The following PCDH15 variants were observed in gnomAD, a reference collection of about 807,000 sequenced individuals.
The protein encoded by PCDH15 is protocadherin related 15.
Under a neutral mutation model 178.5 loss-of-function variants are expected in PCDH15, and 129 were observed. That is an observed-to-expected ratio of 0.72 (90% CI 0.63 to 0.84). PCDH15 has a LOEUF of 0.84. Ranked by LOEUF, PCDH15 falls within the 40% of genes least tolerant of loss-of-function variation. The pLI is 0.00. For synonymous variants in PCDH15, 800 were observed against 732.0 expected (o/e 1.09, Z -1.50); for missense variants, 2,230 against 2,099.9 (o/e 1.06, Z -1.21).
intron 2 of PCDH15, among the ~76,000 whole-genome samples, chr10:55,552,255 G>T (rs1842016476): frequency 6.6e-6 from 1 of 151,450 alleles, no homozygotes; most frequent in African/African-American, 2.4e-5. Context: ...AGATTTGGGA[G>T]ATTTCACTTC....
intron 2 of PCDH15, among the ~76,000 whole-genome samples, chr10:55,592,173 G>A (rs1842854395): frequency 6.6e-6 from 1 of 152,102 alleles, no homozygotes; most frequent in Non-Finnish European, 1.5e-5. Flanking sequence ...CATTTGCCCT[G>A]GCAAGTCCAA....
At chr10:55,443,589 A>C (rs59887765) in intron 2 of PCDH15, among the ~76,000 whole-genome samples, 57,592 of 151,980 alleles carry the variant, frequency 0.38, 11,830 homozygotes, top group East Asian at 0.83. Context: ...GCAAGATACC[A>C]TCTTGCTCCA....
chr10:55,064,491 T>C (rs1472792625), intron 2 of PCDH15, among the ~76,000 whole-genome samples: 1 of 152,106 alleles, frequency 6.6e-6, no homozygotes, highest in Non-Finnish European at 1.5e-5. Context: ...GGTTGGGGCA[T>C]ATAATCTCTA....
chr10:55,620,113 G>A (rs751244917), intron 2 of PCDH15, among the ~76,000 whole-genome samples: 3 of 151,870 alleles, frequency 2.0e-5, no homozygotes, highest in Non-Finnish European at 4.4e-5. Context: ...AATTTAACCC[G>A]TTATTTTTGG....
chr10:54,872,160 T>A (rs1954050746), intron 3 of PCDH15, among the ~76,000 whole-genome samples: 1 of 151,966 alleles, frequency 6.6e-6, no homozygotes, highest in African/African-American at 2.4e-5. Flanking sequence ...GAAATATGTA[T>A]ATATGTATTT....
chr10:53,927,587 A>G (rs2084677358), intron 25 of PCDH15, among the ~76,000 whole-genome samples: 1 of 152,152 alleles, frequency 6.6e-6, no homozygotes, highest in African/African-American at 2.4e-5. Context: ...GTAGTACAAC[A>G]ATAGATATTA....
intron 3 of PCDH15, among the ~76,000 whole-genome samples, chr10:54,432,484 T>C (rs1384706609): frequency 1.3e-5 from 2 of 152,122 alleles, no homozygotes; most frequent in East Asian, 1.9e-4. Context: ...GGGGAAAAGA[T>C]AGTCTCTTTA....
chr10:55,127,200 C>T (rs1224731826), intron 2 of PCDH15, among the ~76,000 whole-genome samples: 4 of 152,044 alleles, frequency 2.6e-5, no homozygotes, highest in Non-Finnish European at 4.4e-5. Context: ...TTAAATATGC[C>T]AGAACTTCCC....
intron 2 of PCDH15, among the ~76,000 whole-genome samples, chr10:55,485,372 A>G (rs1359482504): frequency 6.6e-6 from 1 of 151,712 alleles, no homozygotes; most frequent in African/African-American, 2.4e-5. Flanking sequence ...GATTGCAAAA[A>G]TTCAAACAAT....
At chr10:54,564,252 GA>G (rs1431550460) in intron 2 of PCDH15, among the ~76,000 whole-genome samples, 1 of 152,100 alleles carries the variant, frequency 6.6e-6, no homozygotes, top group Non-Finnish European at 1.5e-5. Context: ...ATATCAGAAT[GA>G]ATTACATATC....
intron 2 of PCDH15, among the ~76,000 whole-genome samples, chr10:55,543,427 T>C (rs1320834389): frequency 2.7e-5 from 4 of 150,266 alleles, no homozygotes; most frequent in Non-Finnish European, 5.9e-5. Context: ...TCAACAATTA[T>C]ATATATATAA....
At chr10:54,685,856 T>C (rs7095795) in intron 1 of PCDH15, among the ~76,000 whole-genome samples, 77,467 of 151,286 alleles carry the variant, frequency 0.51, 20,588 homozygotes, top group Non-Finnish European at 0.6. Context: ...TGAAGTAAAG[T>C]TTCCACTGAA....
intron 18 of PCDH15, among the ~76,000 whole-genome samples, chr10:54,063,444 C>T (rs1415092837): frequency 6.6e-6 from 1 of 152,116 alleles, no homozygotes; most frequent in Non-Finnish European, 1.5e-5. Flanking sequence ...CTGTTATAGA[C>T]TTTATTACCT....
intron 2 of PCDH15, among the ~76,000 whole-genome samples, chr10:55,616,087 A>G (rs1462750640): frequency 1.3e-5 from 2 of 152,210 alleles, no homozygotes; most frequent in Non-Finnish European, 2.9e-5. Context: ...TCTTTCCTGC[A>G]GCCCACCATT....
At chr10:54,642,989 C>A (rs2135010086) in intron 2 of PCDH15, among the ~76,000 whole-genome samples, 1 of 152,274 alleles carries the variant, frequency 6.6e-6, no homozygotes, top group Admixed American at 6.5e-5. Flanking sequence ...ATGGCACAGT[C>A]TTGGCTTCCT....
intron 2 of PCDH15, among the ~76,000 whole-genome samples, chr10:55,102,316 T>A (rs1433054536): frequency 2.0e-5 from 3 of 152,144 alleles, no homozygotes; most frequent in Non-Finnish European, 4.4e-5. Flanking sequence ...TTTATTGACT[T>A]CTTTCAGAGA....
At chr10:54,162,651 C>A (rs2045830052) in intron 13 of PCDH15, among the ~76,000 whole-genome samples, 1 of 152,112 alleles carries the variant, frequency 6.6e-6, no homozygotes. Context: ...TGGCAGAAAT[C>A]AAGGTACAAG....
chr10:55,500,515 T>C (rs1840634158), intron 2 of PCDH15, among the ~76,000 whole-genome samples: 1 of 151,800 alleles, frequency 6.6e-6, no homozygotes, highest in Admixed American at 6.6e-5. Flanking sequence ...TATGAATATG[T>C]GTCTCCCAGG....
intron 2 of PCDH15, among the ~76,000 whole-genome samples, chr10:55,509,781 G>A (rs757405178): frequency 6.6e-6 from 1 of 151,804 alleles, no homozygotes; most frequent in Admixed American, 6.6e-5. Flanking sequence ...GGTTCTAAAC[G>A]TGTAAGTTAT....
Sources: gnomAD v4.1 joint callset for allele counts (sites outside exome capture counted in the v4.1 genomes callset) on GRCh38, gnomAD v4.1.1 for gene constraint, MANE v1.5 for transcripts, NCBI Gene and HGNC (gene_info 2026-07-23, HGNC 2026-07-21) for gene names.